PPP1R7: variants seen among roughly 807,000 people sequenced by gnomAD.
PPP1R7 encodes protein phosphatase 1 regulatory subunit 22.
In PPP1R7, 18 loss-of-function variants were observed where a neutral mutation model predicts 45.2. The observed-to-expected ratio is 0.40, with a 90% CI of 0.28 to 0.59. PPP1R7 has a LOEUF of 0.59. Ranked by LOEUF, PPP1R7 falls within the 20% of genes least tolerant of loss-of-function variation. The pLI, the probability that PPP1R7 is intolerant of heterozygous loss-of-function variation, is 0.46. For missense variants in PPP1R7, 314 were observed against 455.8 expected (o/e 0.69, Z 2.83); for synonymous variants, 181 against 183.4 (o/e 0.99, Z 0.11).
chr2:241,173,507 G>A (rs370614789), intron 9 of PPP1R7, among the ~76,000 whole-genome samples: 1 of 152,024 alleles, frequency 6.6e-6, no homozygotes, highest in East Asian at 1.9e-4. Flanking sequence ...TTCTTATTTT[G>A]TTTTGTTTTT....
chr2:241,179,219 G>A (rs2067959861), intron 9 of PPP1R7, among the ~76,000 whole-genome samples: 1 of 152,210 alleles, frequency 6.6e-6, no homozygotes, highest in Non-Finnish European at 1.5e-5. Flanking sequence ...TGGGAAGGAT[G>A]TTGAAGAAGG....
At chr2:241,155,277 G>C (rs1375915019) in intron 2 of PPP1R7, 1 of 152,236 alleles carries the variant, frequency 6.6e-6, no homozygotes, top group African/African-American at 2.4e-5. Flanking sequence ...AAGTACACCA[G>C]TGTGGTAATG....
At chr2:241,179,792 A>G (rs2067969440) in intron 9 of PPP1R7, among the ~76,000 whole-genome samples, 1 of 152,212 alleles carries the variant, frequency 6.6e-6, no homozygotes, top group African/African-American at 2.4e-5. Context: ...CATACAAGTG[A>G]ATGTTTTTAG....
intron 9 of PPP1R7, among the ~76,000 whole-genome samples, chr2:241,176,258 C>G (rs1273974615): frequency 6.6e-6 from 1 of 152,122 alleles, no homozygotes; most frequent in Non-Finnish European, 1.5e-5. Flanking sequence ...ATAGAAAAGG[C>G]TGGCCAACTG....
At chr2:241,181,222 A>T (rs1372353716) in intron 9 of PPP1R7, among the ~76,000 whole-genome samples, 2 of 152,054 alleles carry the variant, frequency 1.3e-5, no homozygotes, top group Admixed American at 1.3e-4. Flanking sequence ...AGGGTTCCTC[A>T]AACAGGCAAA....
At position 241,182,855 on chromosome 2, in the gene PPP1R7, C is replaced by T. The variant is rs1185737889; in HGVS notation, c.*32C>T. 6.3e-7 allele frequency: 1 copy of T among 1,592,972 alleles called. No homozygotes were observed. The highest frequency in any genetic ancestry group is 1.7e-5 in the Admixed American group (1 of 59,444). On this transcript the variant is annotated 3_prime_UTR_variant, in exon 10 of 10. Coordinates refer to ENST00000234038, the MANE Select transcript of PPP1R7 (RefSeq NM_002712.3). ...CTTGGCTCCTCATGTGGTCCCTCTC[C>T]TCGGAAGAACTGCCCAGCCACGGGT...
At chr2:241,166,505 G>A in intron 8 of PPP1R7, 64 bp downstream of exon 8, 2 of 1,426,110 alleles carry the variant, frequency 1.4e-6, no homozygotes, top group Non-Finnish European at 2.0e-6. Context: ...CAGGCACCTG[G>A]CCAGCCAGCA....
intron 9 of PPP1R7, among the ~76,000 whole-genome samples, chr2:241,173,912 C>CTT (rs1218450858): frequency 1.5e-4 from 15 of 101,042 alleles, no homozygotes; most frequent in African/African-American, 5.0e-4. Context: ...GAACATTTGG[C>CTT]TTTATTTTTT....
At chr2:241,150,126 C>T (rs1357699993), upstream of PPP1R7, 6 of 1,263,018 alleles carry the variant, frequency 4.8e-6, no homozygotes, top group Non-Finnish European at 2.0e-6. Flanking sequence ...TCCACGCCTC[C>T]GAGGTCGAGA....
chr2:241,160,638 ATT>A, intron 6 of PPP1R7, 144 bp downstream of exon 6: 1 of 816,556 alleles, frequency 1.2e-6, no homozygotes, highest in Non-Finnish European at 1.8e-6. Flanking sequence ...GGAAATTACT[ATT>A]TTTTTAAGAA....
At chr2:241,182,513 A>G in intron 9 of PPP1R7, 134 bp from the exon 10 acceptor site, 7 of 1,089,462 alleles carry the variant, frequency 6.4e-6, no homozygotes, top group South Asian at 1.5e-5. Context: ...GGAAGGTCCC[A>G]TGAGGTGCCA....
chr2:241,169,765 T>C lies in PPP1R7; in HGVS notation c.820-16T>C, dbSNP rs2149065188. On this transcript the variant is annotated splice_polypyrimidine_tract_variant and intron_variant, in intron 8 of 9. Transcript: ENST00000234038. ...ATCAGAGGTAATCCAGGAAACATTT[T>C]ATTTCCTTCTTTTAGAACAAACTCA... 1.3e-6 allele frequency: 2 copies of C among 1,589,664 alleles called. No homozygotes were observed. Among genetic ancestry groups the C allele is most frequent in the East Asian group, 4.5e-5 (2 of 44,766 alleles).
At chr2:241,172,506 A>T (rs1481883796) in intron 9 of PPP1R7, among the ~76,000 whole-genome samples, 5 of 152,098 alleles carry the variant, frequency 3.3e-5, no homozygotes, top group Non-Finnish European at 4.4e-5. Context: ...TTAGCTGGGC[A>T]TGGTGGCACA....
intron 9 of PPP1R7, among the ~76,000 whole-genome samples, chr2:241,176,259 T>G (rs1345664417): frequency 6.6e-6 from 1 of 152,160 alleles, no homozygotes; most frequent in Non-Finnish European, 1.5e-5. Flanking sequence ...TAGAAAAGGC[T>G]GGCCAACTGG....
intron 9 of PPP1R7, among the ~76,000 whole-genome samples, chr2:241,174,506 G>A (rs773855139): frequency 2.0e-5 from 3 of 151,860 alleles, no homozygotes; most frequent in Non-Finnish European, 4.4e-5. Flanking sequence ...AACTCTGTGT[G>A]GCCACCAGGC....
chr2:241,163,909 G>A (rs1293991857), intron 7 of PPP1R7, among the ~76,000 whole-genome samples: 5 of 150,724 alleles, frequency 3.3e-5, no homozygotes, highest in South Asian at 4.2e-4. Flanking sequence ...GTCACCACTC[G>A]TGGCCTTTCT....
intron 3 of PPP1R7, 64 bp from the exon 4 acceptor site, chr2:241,158,420 C>G (rs1382049617): frequency 6.5e-7 from 1 of 1,549,086 alleles, no homozygotes; most frequent in African/African-American, 1.4e-5. Context: ...GCCGCCTCTT[C>G]TAGGACGACA....
intron 9 of PPP1R7, among the ~76,000 whole-genome samples, chr2:241,174,981 A>G (rs532519674): frequency 7.2e-5 from 11 of 152,082 alleles, no homozygotes; most frequent in African/African-American, 2.7e-4. Context: ...GGCCTATTCT[A>G]TCCTATTTTC....
upstream of PPP1R7, chr2:241,149,903 A>G: frequency 1.4e-6 from 2 of 1,438,012 alleles, no homozygotes; most frequent in Non-Finnish European, 1.8e-6. Flanking sequence ...CACCAGCGCA[A>G]GTGCCCCGCA....
Sources: gnomAD v4.1 joint callset for allele counts (sites outside exome capture counted in the v4.1 genomes callset) on GRCh38, gnomAD v4.1.1 for gene constraint, MANE v1.5 for transcripts, NCBI Gene and HGNC (gene_info 2026-07-23, HGNC 2026-07-21) for gene names.